The following PCF11 variants were observed in gnomAD, a reference collection of about 807,000 sequenced individuals.
The protein encoded by PCF11 is pre-mRNA cleavage complex 2 protein Pcf11.
In PCF11, 19 loss-of-function variants were observed where a neutral mutation model predicts 166.1. The observed-to-expected ratio is 0.11, with a 90% CI of 0.08 to 0.17. The LOEUF (loss-of-function observed/expected upper bound fraction) is 0.17. PCF11 is among the 10% of genes least tolerant of loss of function. The pLI is 1.00. For missense variants in PCF11, 1,565 were observed against 1,855.5 expected, an observed-to-expected ratio of 0.84 and a Z score of 2.88; for synonymous variants, 663 against 644.1, an observed-to-expected ratio of 1.03 and a Z score of -0.44.
At position 83,179,906 on chromosome 11, in the gene PCF11, C is replaced by T. The variant is rs117893519; in HGVS notation, c.3984-1102C>T. The stretch of plus-strand genomic sequence containing the variant: ...GCACTGCATCCTGGGTGACAGAGCG[C>T]GAGACTCCGTCTCCAAAAAAAACGG... On this transcript the variant is annotated intron_variant, in intron 11 of 15. Coordinates refer to ENST00000298281, the Ensembl canonical transcript of PCF11. Among the ~76,000 whole-genome samples, 182 of 151,674 alleles carry T rather than the reference C, an allele frequency of 1.2e-3. 1 individual carries two copies. In the East Asian group the frequency reaches 0.026, roughly 22 times the overall value.
intron 2 of PCF11, among the ~76,000 whole-genome samples, chr11:83,163,321 A>G (rs1860326973): frequency 6.6e-6 from 1 of 152,110 alleles, no homozygotes; most frequent in Non-Finnish European, 1.5e-5. Context: ...TCAGGTAATC[A>G]ATTTTTCTAG....
intron 9 of PCF11, among the ~76,000 whole-genome samples, chr11:83,172,296 A>T (rs762990261): frequency 6.6e-6 from 1 of 152,144 alleles, no homozygotes; most frequent in Non-Finnish European, 1.5e-5. Context: ...ATTAATTTTT[A>T]TGTTTTTGTG....
chr11:83,177,947 CT>C (rs35271382), intron 11 of PCF11, 128 bp downstream of exon 11: 25,261 of 298,312 alleles, frequency 0.085, no homozygotes, highest in Non-Finnish European at 0.1. Flanking sequence ...TTTAGGAAGT[CT>C]TTTTTTTTTT....
At chr11:83,181,372 A>T (rs1861077808) in intron 12 of PCF11, among the ~76,000 whole-genome samples, 181 bp downstream of exon 12, 1 of 151,404 alleles carries the variant, frequency 6.6e-6, no homozygotes, top group Middle Eastern at 3.2e-3. Context: ...ATATAAACAG[A>T]TTTTTTAAAA....
chr11:83,185,449 T>G (rs1258544106), exon 16 of PCF11: 3 of 149,776 alleles, frequency 2.0e-5, no homozygotes, highest in African/African-American at 2.5e-5. Flanking sequence ...ATTTTGCAGA[T>G]ATATATATAT....
chr11:83,173,008 T>C (rs1410484791), intron 9 of PCF11, among the ~76,000 whole-genome samples: 4 of 152,180 alleles, frequency 2.6e-5, no homozygotes, highest in African/African-American at 9.6e-5. Context: ...TTAATATTTG[T>C]TATTATTATT....
intron 10 of PCF11, 82 bp from the exon 11 acceptor site, chr11:83,177,632 G>C: frequency 1.7e-6 from 1 of 602,490 alleles, no homozygotes; most frequent in African/African-American, 1.9e-5. Context: ...TTCTCTATTT[G>C]CTTATAATAC....
rs1286855101 is a variant in PCF11 at position 83,179,709 on chromosome 11, G to C, written c.3984-1299G>C. ...ACCTGAGGTCAGGAGTTCAAGACCA[G>C]CTTGGCCAACATGGTAACATGTCTC... is the stretch of plus-strand genomic sequence containing the variant. On this transcript the variant is annotated intron_variant, in intron 11 of 15. Transcript: ENST00000298281. Among the ~76,000 whole-genome samples, 5 of 151,978 alleles carry C rather than the reference G, an allele frequency of 3.3e-5. No homozygotes were observed. In the East Asian group the frequency reaches 9.7e-4, roughly 30 times the overall value.
exon 5 of PCF11, chr11:83,166,674 T>G: frequency 6.2e-7 from 1 of 1,601,466 alleles, no homozygotes; most frequent in Non-Finnish European, 8.5e-7. Context: ...AAGTTCCAAG[T>G]CTGCCAAAAG....
intron 11 of PCF11, among the ~76,000 whole-genome samples, chr11:83,179,785 T>C (rs1017735885): frequency 6.6e-6 from 1 of 151,674 alleles, no homozygotes; most frequent in African/African-American, 2.4e-5. Context: ...GGCGTGGTAG[T>C]GGGCACTTGT....
At chr11:83,179,957 T>G (rs1236636900) in intron 11 of PCF11, among the ~76,000 whole-genome samples, 8 of 152,104 alleles carry the variant, frequency 5.3e-5, no homozygotes, top group African/African-American at 1.9e-4. Flanking sequence ...AGCTAGCTCT[T>G]GTAGTGTCCT....
chr11:83,163,627 T>C, intron 2 of PCF11, 52 bp from the exon 3 acceptor site: 2 of 613,200 alleles, frequency 3.3e-6, no homozygotes, highest in Non-Finnish European at 5.1e-6. Flanking sequence ...ATTTAATATA[T>C]AAAATATTCT....
chr11:83,183,016 A>G, intron 14 of PCF11, 22 bp from the exon 15 acceptor site: 1 of 1,315,792 alleles, frequency 7.6e-7, no homozygotes, highest in Non-Finnish European at 1.1e-6. Context: ...GCACATATTT[A>G]CTTTTTTTCT....
intron 11 of PCF11, among the ~76,000 whole-genome samples, chr11:83,178,561 C>T (rs1029426064): frequency 3.3e-5 from 5 of 151,616 alleles, no homozygotes; most frequent in Non-Finnish European, 7.4e-5. Context: ...TTTGTAAGGC[C>T]GAGGCAGGTG....
At chr11:83,174,063 A>G (rs1860791835) in intron 9 of PCF11, among the ~76,000 whole-genome samples, 1 of 152,124 alleles carries the variant, frequency 6.6e-6, no homozygotes, top group Admixed American at 6.5e-5. Flanking sequence ...TTATATGTGT[A>G]TGTGTACAGG....
At chr11:83,179,850 G>A (rs1861024897) in intron 11 of PCF11, among the ~76,000 whole-genome samples, 1 of 151,916 alleles carries the variant, frequency 6.6e-6, no homozygotes, top group Non-Finnish European at 1.5e-5. Context: ...CCCAGGAGGC[G>A]GAGGCTTTAG....
chr11:83,173,190 C>T (rs1398630125), intron 9 of PCF11, among the ~76,000 whole-genome samples: 1 of 152,184 alleles, frequency 6.6e-6, no homozygotes, highest in Non-Finnish European at 1.5e-5. Flanking sequence ...GGCATGGTGG[C>T]TCACGCCTAT....
Position 83,167,921 on chromosome 11 carries a change from A to G in PCF11, c.2092+416A>G. ...AAGGTAGAAAAAGTTAAATCAGATTATGCCTATTGAATCACACAGCAGTGA... is the reference window on the plus strand; with the variant it reads ...AAGGTAGAAAAAGTTAAATCAGATTGTGCCTATTGAATCACACAGCAGTGA... On this transcript the variant is annotated intron_variant, in intron 7 of 15. Coordinates refer to ENST00000298281, the Ensembl canonical transcript of PCF11. This position sits in a 1 kb window ranked among gnomAD's most constrained non-coding sequence, Gnocchi z 4.2. The G allele has an allele frequency of 7.8e-7, 1 of 1,281,344 alleles. No homozygotes were observed. Among genetic ancestry groups the G allele is most frequent in the Non-Finnish European group, 1.0e-6 (1 of 986,196 alleles). The allele number at this position is 1,281,344 out of a possible 1,614,324, so 79.4% of individuals were successfully genotyped here.
chr11:83,170,051 T>C (rs1379368041), intron 8 of PCF11, 56 bp downstream of exon 8: 13 of 1,417,224 alleles, frequency 9.2e-6, no homozygotes, highest in Non-Finnish European at 1.1e-5. Flanking sequence ...CATTTTTTAA[T>C]GTTTCTAGGA....
Sources: allele counts gnomAD v4.1 joint callset (sites outside exome capture counted in the v4.1 genomes callset), GRCh38; gene constraint gnomAD v4.1.1; non-coding constraint Gnocchi (gnomAD v3.1); transcripts MANE v1.5; gene names NCBI Gene and HGNC (gene_info 2026-07-23, HGNC 2026-07-21).